SPHKAP: variants seen among roughly 807,000 people sequenced by gnomAD.
SPHKAP encodes the protein A-kinase anchor protein SPHKAP.
SPHKAP carries 67 observed loss-of-function variants against 137.5 expected under a neutral mutation model. The observed-to-expected ratio is 0.49, with a 90% CI of 0.40 to 0.60. The LOEUF is 0.60. SPHKAP is among the 20% of genes least tolerant of loss of function. SPHKAP has a pLI of 0.00. For missense variants in SPHKAP, 2,097 were observed against 2,069.3 expected (o/e 1.01, Z -0.26); for synonymous variants, 813 against 785.3 (o/e 1.04, Z -0.59).
At chr2:228,090,263 G>C (rs1697681927) in intron 3 of SPHKAP, among the ~76,000 whole-genome samples, 1 of 152,200 alleles carries the variant, frequency 6.6e-6, no homozygotes, top group Non-Finnish European at 1.5e-5. Flanking sequence ...TGCCTGCCTT[G>C]CTGGGATTCA....
chr2:227,982,944 T>C (rs1226434833), intron 11 of SPHKAP, among the ~76,000 whole-genome samples: 1 of 152,074 alleles, frequency 6.6e-6, no homozygotes, highest in Non-Finnish European at 1.5e-5. Flanking sequence ...GTTGGGAATA[T>C]GGATAAGTAA....
chr2:228,160,245 A>G (rs1218817577), intron 1 of SPHKAP, among the ~76,000 whole-genome samples: 1 of 152,202 alleles, frequency 6.6e-6, no homozygotes, highest in Non-Finnish European at 1.5e-5. Flanking sequence ...AGCTAGATCT[A>G]TGAGTACCTT....
chr2:228,028,834 T>C (rs775679539), intron 3 of SPHKAP, among the ~76,000 whole-genome samples: 1 of 152,234 alleles, frequency 6.6e-6, no homozygotes, highest in South Asian at 2.1e-4. Context: ...GACTCATGCC[T>C]GTAATTTAAA....
chr2:228,013,438 G>A (rs1197147549), intron 7 of SPHKAP, among the ~76,000 whole-genome samples: 1 of 152,086 alleles, frequency 6.6e-6, no homozygotes, highest in East Asian at 1.9e-4. Context: ...GTAGAGACAG[G>A]GTTTCACCAC....
rs1695091930 is a variant in SPHKAP, at chr2:228,027,545, T to C, written c.247-2A>G. ...CACATCAAGATTCACAAAGCAGACC[T>C]GGGAAAAGAGGGCAAAAATAGTACG... On this transcript the variant is annotated splice_acceptor_variant, in intron 3 of 11. Coordinates refer to ENST00000392056, the MANE Select transcript of SPHKAP (RefSeq NM_001142644.2). LOFTEE classifies it high-confidence loss of function. The C allele has an allele frequency of 1.9e-6, 3 of 1,613,716 alleles. No individual in the cohort carries two copies. The highest frequency in any genetic ancestry group is 2.5e-6 in the Non-Finnish European group (3 of 1,179,870).
intron 3 of SPHKAP, among the ~76,000 whole-genome samples, chr2:228,037,175 A>T (rs923847876): frequency 2.0e-5 from 3 of 152,134 alleles, no homozygotes; most frequent in Admixed American, 2.0e-4. Flanking sequence ...CTCTAAAGAC[A>T]TAATTTGGAT....
chr2:228,066,147 A>G (rs1205929965), intron 3 of SPHKAP, among the ~76,000 whole-genome samples: 1 of 152,206 alleles, frequency 6.6e-6, no homozygotes, highest in Non-Finnish European at 1.5e-5. Flanking sequence ...TACCAGAAAG[A>G]AGAGAGGTTC....
intron 1 of SPHKAP, among the ~76,000 whole-genome samples, chr2:228,153,486 T>C (rs1699999581): frequency 6.6e-6 from 1 of 152,220 alleles, no homozygotes; most frequent in Non-Finnish European, 1.5e-5. Flanking sequence ...TTCACTGATA[T>C]GGAATTCTAA....
At chr2:228,097,115 G>A (rs566876127) in intron 3 of SPHKAP, among the ~76,000 whole-genome samples, 20 of 152,236 alleles carry the variant, frequency 1.3e-4, no homozygotes, top group African/African-American at 4.8e-4. Flanking sequence ...TATCCTTGAA[G>A]TTTAAAGGTA....
Position 228,018,584 on chromosome 2 carries a change from C to T in SPHKAP, c.2270G>A (p.Gly757Asp), listed in dbSNP as rs933955856. ...TEPSCQPSDPGASQAWTKATE... is the reference protein window; with the variant it reads ...TEPSCQPSDPDASQAWTKATE... ...GGCTTTTGTCCAAGCTTGACTAGCA[C>T]CCGGATCAGATGGCTGGCAGCTTGG... The change falls in exon 7 of 12, where the codon GGT becomes GAT. Residue 757 changes from glycine to aspartate, a missense_variant. Gly to Asp is a moderately conservative substitution (Grantham distance 94). Coordinates refer to ENST00000392056, the MANE Select transcript of SPHKAP (RefSeq NM_001142644.2). The T allele has an allele frequency of 1.2e-6, 2 of 1,613,904 alleles. No individual in the cohort carries two copies. Among genetic ancestry groups the T allele is most frequent in the South Asian group, 1.1e-5 (1 of 91,014 alleles).
chr2:228,069,226 C>T (rs1696928310), intron 3 of SPHKAP, among the ~76,000 whole-genome samples: 1 of 152,134 alleles, frequency 6.6e-6, no homozygotes, highest in South Asian at 2.1e-4. Context: ...GAGATCGTGC[C>T]ATTGCACTCC....
At chr2:228,095,422 A>G (rs1159448147) in intron 3 of SPHKAP, among the ~76,000 whole-genome samples, 2 of 152,186 alleles carry the variant, frequency 1.3e-5, no homozygotes, top group Non-Finnish European at 2.9e-5. Flanking sequence ...AAAAGTAATG[A>G]TCCCAAAGGC....
chr2:228,012,205 T>G (rs559146304), intron 7 of SPHKAP, among the ~76,000 whole-genome samples: 132 of 138,026 alleles, frequency 9.6e-4, no homozygotes, highest in African/African-American at 3.4e-3. Context: ...AAGAAAGAAA[T>G]ATACAATGCA....
chr2:228,045,768 A>AAAAT (rs1291743407), intron 3 of SPHKAP, among the ~76,000 whole-genome samples: 3 of 152,028 alleles, frequency 2.0e-5, no homozygotes, highest in African/African-American at 7.3e-5. Context: ...AAAAAGAAAA[A>AAAAT]AAATAGAATC....
chr2:228,132,001 G>T lies in SPHKAP; in HGVS notation c.117C>A (p.Asn39Lys). The change falls in exon 2 of 12, where the codon AAC (asparagine) becomes AAA (lysine). Residue 39 changes from asparagine to lysine, a missense_variant. By Grantham distance (94) the Asn-to-Lys change is moderately conservative. Transcript: ENST00000392056. ...GCGSSGSGPG[N>K]SITACKKVLR... ...TTACCTTCTTACAGGCTGTGATGGA[G>T]TTCCCCGGGCCGCTTCCTGAGCTGC... 1.2e-6 allele frequency: 2 copies of T among 1,613,988 alleles called. No homozygotes were observed. The highest frequency in any genetic ancestry group is 2.2e-5 in the South Asian group (2 of 91,076).
intron 7 of SPHKAP, among the ~76,000 whole-genome samples, chr2:228,015,418 G>A (rs370294973): frequency 6.6e-6 from 1 of 151,974 alleles, no homozygotes. Context: ...ATGATTTATA[G>A]TCCTTTGGGT....
intron 1 of SPHKAP, among the ~76,000 whole-genome samples, chr2:228,161,344 A>T (rs886972391): frequency 6.6e-6 from 1 of 152,236 alleles, no homozygotes; most frequent in Non-Finnish European, 1.5e-5. Context: ...GAGCAGATGT[A>T]AGTGGGAGGC....
In SPHKAP at chr2:228,019,737, C is replaced by T; in HGVS notation, c.1117G>A (p.Asp373Asn). The change falls in exon 7 of 12, where the codon GAC becomes AAC. Residue 373 changes from aspartate (D) to asparagine (N), a missense_variant. By Grantham distance (23) the Asp-to-Asn change is conservative. Transcript: ENST00000392056. ...RSNLNPGDHEDTRNALPPRQD... is the reference protein window; with the variant it reads ...RSNLNPGDHENTRNALPPRQD... ...CTAGGAGGGAGAGCGTTTCTTGTGT[C>T]TTCATGGTCTCCTGGGTTTAGGTTG... is the stretch of plus-strand genomic sequence containing the variant. 1 of 1,614,204 alleles carries T rather than the reference C, an allele frequency of 6.2e-7. No individual in the cohort carries two copies. The highest frequency in any genetic ancestry group is 8.5e-7 in the Non-Finnish European group (1 of 1,180,028).
At chr2:228,086,548 G>A (rs539931765) in intron 3 of SPHKAP, among the ~76,000 whole-genome samples, 5 of 152,172 alleles carry the variant, frequency 3.3e-5, no homozygotes, top group South Asian at 2.1e-4. Context: ...AGGTCCTACC[G>A]ATAAGATTGA....
Sources: allele counts gnomAD v4.1 joint callset (sites outside exome capture counted in the v4.1 genomes callset), GRCh38; gene constraint gnomAD v4.1.1; transcripts MANE v1.5; gene names NCBI Gene and HGNC (gene_info 2026-07-23, HGNC 2026-07-21).